MIGA1: variants seen among roughly 807,000 people sequenced by gnomAD.
MIGA1 encodes mitoguardin 1.
In MIGA1, 58 loss-of-function variants were observed where a neutral mutation model predicts 82.0. That is an observed-to-expected ratio of 0.71 (90% confidence interval 0.57 to 0.88). The LOEUF (loss-of-function observed/expected upper bound fraction) is 0.88, where lower values mean the gene tolerates loss of function less well. MIGA1 is among the 40% of genes least tolerant of loss of function. MIGA1 has a pLI of 0.00. For synonymous variants in MIGA1, 249 were observed against 253.6 expected (o/e 0.98, Z 0.17); for missense variants, 751 against 749.1 (o/e 1.00, Z -0.03).
intron 8 of MIGA1, among the ~76,000 whole-genome samples, chr1:77,844,214 A>G (rs1373747182): frequency 6.7e-6 from 1 of 149,472 alleles, no homozygotes; most frequent in Non-Finnish European, 1.5e-5. Flanking sequence ...TCACTGTGGC[A>G]TTTTAGTAAC....
At chr1:77,851,401 A>G (rs1188382489) in intron 8 of MIGA1, among the ~76,000 whole-genome samples, 2 of 152,178 alleles carry the variant, frequency 1.3e-5, no homozygotes, top group Non-Finnish European at 2.9e-5. Context: ...TGCATGTTCC[A>G]TAGCTGAAAT....
intron 7 of MIGA1, among the ~76,000 whole-genome samples, chr1:77,841,581 C>A (rs1289172718): frequency 1.1e-4 from 16 of 150,040 alleles, no homozygotes; most frequent in East Asian, 2.0e-4. Flanking sequence ...AAAAAAAAAA[C>A]CCATACTTCC....
chr1:77,828,988 A>AT (rs1684136837), intron 7 of MIGA1, among the ~76,000 whole-genome samples: 1 of 152,200 alleles, frequency 6.6e-6, no homozygotes. Context: ...CAGATATTTA[A>AT]TTTTAATGTC....
Position 77,790,648 on chromosome 1 carries a change from C to A in MIGA1, c.195+7297C>A, listed in dbSNP as rs562893690. Among the ~76,000 whole-genome samples, 7 of 149,550 alleles carry A rather than the reference C, an allele frequency of 4.7e-5. No individual in the cohort carries two copies. In the South Asian group the frequency reaches 1.5e-3, roughly 32 times the overall value. ...TTGCCCAGGTAGGAGTGCAATGGTG[C>A]GATCTTGGCTCACTTGCAACCTCCA... On this transcript the variant is annotated intron_variant, in intron 2 of 15. Transcript: ENST00000370791.
At chr1:77,820,143 C>A (rs1683746597) in intron 7 of MIGA1, among the ~76,000 whole-genome samples, 1 of 140,764 alleles carries the variant, frequency 7.1e-6, no homozygotes, top group Non-Finnish European at 1.5e-5. Flanking sequence ...TTCCTCTATA[C>A]TCATGTGGTG....
chr1:77,820,277 G>A (rs1014290714), intron 7 of MIGA1, among the ~76,000 whole-genome samples: 1 of 152,128 alleles, frequency 6.6e-6, no homozygotes, highest in Non-Finnish European at 1.5e-5. Context: ...ATGTGAGACA[G>A]AGGGCCTGAC....
Position 77,869,691 on chromosome 1 carries a change from C to T in MIGA1, c.1563+3300C>T, listed in dbSNP as rs1195224727. 6.3e-3 allele frequency among the ~76,000 whole-genome samples: 717 copies of T among 113,630 alleles called. 22 individuals carry two copies. Among genetic ancestry groups the T allele is most frequent in the African/African-American group, 0.022 (609 of 27,394 alleles). The allele number at this position is 113,630 out of a possible 152,430, so 74.5% of individuals were successfully genotyped here. On this transcript the variant is annotated intron_variant, in intron 14 of 15. Coordinates refer to ENST00000370791, the MANE Select transcript of MIGA1 (RefSeq NM_198549.4). ...CTCCCGGACGGGGCGGCCGGCTGGG[C>T]GGGGGGCTGACCCCCCCACCTCCCT...
intron 7 of MIGA1, among the ~76,000 whole-genome samples, chr1:77,833,305 T>C (rs535644991): frequency 6.6e-6 from 1 of 152,288 alleles, no homozygotes; most frequent in African/African-American, 2.4e-5. Context: ...ATATGAGAAA[T>C]TTGGCTTAGT....
chr1:77,860,055 T>A lies in MIGA1; in HGVS notation c.1204T>A (p.Ser402Thr). 6.2e-7 allele frequency: 1 copy of A among 1,608,124 alleles called. No individual in the cohort carries two copies. The highest frequency in any genetic ancestry group is 8.5e-7 in the Non-Finnish European group (1 of 1,177,084). Residue 402 changes from serine to threonine, a missense_variant, in exon 11 of 16, where the codon TCA (serine) becomes ACA (threonine). Around this residue, in one of 3 missense-constraint regions of MIGA1, gnomAD observed 265 missense variants for 293.6 expected, o/e 0.90. Coordinates refer to ENST00000370791, the MANE Select transcript of MIGA1 (RefSeq NM_198549.4). The stretch of plus-strand genomic sequence containing the variant: ...ATTTTTTCAGGTAATTCTTTCAGAA[T>A]CAGCTAACAGGATATTCCTCGCTGA...
intron 4 of MIGA1, among the ~76,000 whole-genome samples, chr1:77,805,556 A>C (rs1683066936): frequency 7.2e-6 from 1 of 139,254 alleles, no homozygotes; most frequent in South Asian, 2.3e-4. Flanking sequence ...TTGAGATGGA[A>C]TCTCACTCTG....
chr1:77,785,088 A>C (rs374788609), intron 2 of MIGA1, among the ~76,000 whole-genome samples: 1 of 152,166 alleles, frequency 6.6e-6, no homozygotes. Flanking sequence ...AGAAGCAATC[A>C]TGCCTTCCCA....
At chr1:77,845,778 C>T (rs1486441997) in intron 8 of MIGA1, among the ~76,000 whole-genome samples, 4 of 152,128 alleles carry the variant, frequency 2.6e-5, no homozygotes, top group East Asian at 3.9e-4. Flanking sequence ...AGTTTTTGAT[C>T]GTTCGAAAAC....
At chr1:77,786,956 A>T (rs576461422) in intron 2 of MIGA1, among the ~76,000 whole-genome samples, 1 of 152,356 alleles carries the variant, frequency 6.6e-6, no homozygotes, top group East Asian at 1.9e-4. Context: ...TGATAAAGAC[A>T]TACCTGAGAC....
chr1:77,787,301 C>T (rs1190447971), intron 2 of MIGA1, among the ~76,000 whole-genome samples: 1 of 152,076 alleles, frequency 6.6e-6, no homozygotes, highest in African/African-American at 2.4e-5. Context: ...ATTTGTATTT[C>T]CCTGATGATG....
At chr1:77,814,013 C>T (rs1376993103) in intron 6 of MIGA1, 146 bp downstream of exon 6, 6 of 773,384 alleles carry the variant, frequency 7.8e-6, no homozygotes. Context: ...GCCTTGTCCT[C>T]TGAGTAATTA....
chr1:77,792,219 A>T (rs1682456644), intron 2 of MIGA1, among the ~76,000 whole-genome samples: 1 of 152,216 alleles, frequency 6.6e-6, no homozygotes, highest in Admixed American at 6.5e-5. Flanking sequence ...GTAACACAGG[A>T]TGCAGGTTCC....
chr1:77,826,594 G>T (rs1350421448), intron 7 of MIGA1, among the ~76,000 whole-genome samples: 1 of 152,082 alleles, frequency 6.6e-6, no homozygotes, highest in Non-Finnish European at 1.5e-5. Context: ...TCCCATTTCA[G>T]CTTCCTGAGT....
At chr1:77,854,065 A>G (rs763385223) in intron 8 of MIGA1, among the ~76,000 whole-genome samples, 5 of 152,226 alleles carry the variant, frequency 3.3e-5, no homozygotes, top group East Asian at 1.9e-4. Context: ...TCAAGTCCCC[A>G]AAGTCCATTG....
At chr1:77,793,132 G>T (rs1327348673) in intron 2 of MIGA1, among the ~76,000 whole-genome samples, 1 of 150,474 alleles carries the variant, frequency 6.6e-6, no homozygotes, top group Non-Finnish European at 1.5e-5. Context: ...TAAAGACAGG[G>T]TCTCTCTGTT....
Sources: allele counts gnomAD v4.1 joint callset (sites outside exome capture counted in the v4.1 genomes callset), GRCh38; gene constraint gnomAD v4.1.1; regional missense constraint gnomAD v4.1.1; transcripts MANE v1.5; gene names NCBI Gene and HGNC (gene_info 2026-07-23, HGNC 2026-07-21).